The following RGS6 variants were observed in gnomAD, a reference collection of about 807,000 sequenced individuals.
RGS6 encodes regulator of G-protein signaling 6.
A neutral mutation model predicts 78.5 loss-of-function variants in RGS6; 30 were observed. The ratio of observed to expected loss-of-function variants is 0.38; its 90% CI spans 0.29 to 0.52. The LOEUF is 0.52. RGS6 is among the 20% of genes least tolerant of loss of function. The pLI, the probability that RGS6 is intolerant of heterozygous loss-of-function variation, is 0.85. For missense variants in RGS6, 495 were observed against 609.7 expected (o/e 0.81, Z 1.98); for synonymous variants, 206 against 206.0 (o/e 1.00, Z 0.00).
intron 2 of RGS6, among the ~76,000 whole-genome samples, chr14:72,235,204 A>G (rs960932058): frequency 2.6e-5 from 4 of 152,184 alleles, no homozygotes; most frequent in Non-Finnish European, 2.9e-5. Context: ...TTGAAGAAGG[A>G]TGAGGCAGGC....
chr14:72,286,853 G>T (rs999431075), intron 2 of RGS6, among the ~76,000 whole-genome samples: 1 of 146,458 alleles, frequency 6.8e-6, no homozygotes, highest in Non-Finnish European at 1.5e-5. Context: ...GCACAATCTC[G>T]GCTCACTGCA....
chr14:72,196,081 G>A (rs1214761867), intron 2 of RGS6, among the ~76,000 whole-genome samples: 1 of 152,150 alleles, frequency 6.6e-6, no homozygotes, highest in Non-Finnish European at 1.5e-5. Flanking sequence ...GCCATGAAAT[G>A]GGGGAGGGGG....
chr14:72,294,767 A>G (rs1362313484), intron 2 of RGS6, among the ~76,000 whole-genome samples: 1 of 152,112 alleles, frequency 6.6e-6, no homozygotes, highest in Non-Finnish European at 1.5e-5. Flanking sequence ...GAACTCTATC[A>G]TGAGAACAGC....
chr14:72,068,012 T>C (rs1054397025), intron 2 of RGS6, among the ~76,000 whole-genome samples: 2 of 152,194 alleles, frequency 1.3e-5, no homozygotes, highest in African/African-American at 2.4e-5. Flanking sequence ...TAGTATTATA[T>C]TGGCTTTAAT....
chr14:72,263,512 G>A (rs2058531892), intron 2 of RGS6, among the ~76,000 whole-genome samples: 1 of 13,304 alleles, frequency 7.5e-5, no homozygotes, highest in South Asian at 3.1e-3. Context: ...TGGTCTAAAT[G>A]TATGTGTCCC....
intron 2 of RGS6, among the ~76,000 whole-genome samples, chr14:72,173,330 C>T (rs946652995): frequency 2.9e-4 from 44 of 152,214 alleles, no homozygotes; most frequent in African/African-American, 1.0e-3. Context: ...TCTAGAACCA[C>T]ACTCCCCAGG....
chr14:72,018,105 C>T (rs991796704), intron 2 of RGS6, among the ~76,000 whole-genome samples: 1 of 152,164 alleles, frequency 6.6e-6, no homozygotes, highest in Non-Finnish European at 1.5e-5. Context: ...GACATGATCT[C>T]ATTCCTTTTT....
In RGS6 at chr14:71,970,160, TAAC is replaced by T. The variant is rs528751736; in HGVS notation, c.84+5288_84+5290del. ...TAGTATTAATTATATGCTATATACA[TAAC>T]AAGTGGTGTTTAAGTAGCAACACTG... On this transcript the variant is annotated intron_variant, in intron 2 of 17. Transcript: ENST00000553525. Among the ~76,000 whole-genome samples, 62 of 152,350 alleles carry T rather than the reference TAAC, an allele frequency of 4.1e-4. 1 individual carries two copies. The highest frequency in any genetic ancestry group is 1.4e-3 in the African/African-American group (60 of 41,586).
rs918362684 is a variant in RGS6, at chr14:71,943,542, T to A, written c.-21+10601T>A. On this transcript the variant is annotated intron_variant, in intron 1 of 17. Coordinates refer to ENST00000553525, the MANE Select transcript of RGS6 (RefSeq NM_001204424.2). ...AGAATCCTGCTCCATAGTTCTCACA[T>A]TGGGATTTGAGGAGGCTTGTAGAAA... 3.3e-5 allele frequency among the ~76,000 whole-genome samples: 5 copies of A among 152,158 alleles called. No homozygotes were observed. The South Asian group carries it at 1.0e-3, about 32-fold the overall frequency.
intron 2 of RGS6, among the ~76,000 whole-genome samples, chr14:72,252,406 A>C (rs2056028900): frequency 1.3e-5 from 2 of 152,328 alleles, no homozygotes; most frequent in South Asian, 4.1e-4. Flanking sequence ...AGGGAGACAT[A>C]CAGATTAACA....
At chr14:72,184,289 C>A (rs904490411) in intron 2 of RGS6, among the ~76,000 whole-genome samples, 2 of 151,550 alleles carry the variant, frequency 1.3e-5, no homozygotes, top group Non-Finnish European at 2.9e-5. Context: ...CTTACAAATA[C>A]CTTCTTTAAG....
intron 3 of RGS6, among the ~76,000 whole-genome samples, chr14:72,400,088 T>C (rs1178985929): frequency 1.3e-5 from 2 of 152,154 alleles, no homozygotes; most frequent in Non-Finnish European, 2.9e-5. Context: ...CATCATTGTC[T>C]GATTCACCGA....
At chr14:72,472,182 A>AAAG (rs1555421889) in intron 8 of RGS6, among the ~76,000 whole-genome samples, 25 of 150,052 alleles carry the variant, frequency 1.7e-4, no homozygotes, top group African/African-American at 6.0e-4. Flanking sequence ...GAAAAAAAAA[A>AAAG]AAAGAAAGAA....
chr14:71,890,358 CAGAGAGAGAGAGAGAG>C, the RGS6 span, among the ~76,000 whole-genome samples: 2 of 133,096 alleles, frequency 1.5e-5, no homozygotes, highest in South Asian at 2.6e-4. Context: ...GTGCATAAGA[CAGAGAGAGAGAGAGAG>C]AGAGAGAGAG....
At chr14:72,248,753 G>C (rs1337016829) in intron 2 of RGS6, among the ~76,000 whole-genome samples, 1 of 152,188 alleles carries the variant, frequency 6.6e-6, no homozygotes, top group Non-Finnish European at 1.5e-5. Context: ...ACATCTGTTA[G>C]AAATTTAAAC....
intron 2 of RGS6, among the ~76,000 whole-genome samples, chr14:71,969,339 G>C (rs569352929): frequency 6.6e-6 from 1 of 152,304 alleles, no homozygotes; most frequent in East Asian, 1.9e-4. Flanking sequence ...TTTTGAGTAA[G>C]AGTAGGTTGC....
chr14:72,038,645 T>G (rs991376905), intron 2 of RGS6, among the ~76,000 whole-genome samples: 2 of 152,200 alleles, frequency 1.3e-5, no homozygotes, highest in Non-Finnish European at 2.9e-5. Context: ...TTTCAATTTT[T>G]TGGAATTGTT....
the RGS6 span, among the ~76,000 whole-genome samples, chr14:71,922,821 A>G: frequency 0.52 from 79,387 of 151,858 alleles, 20,922 homozygotes; most frequent in Admixed American, 0.57. Flanking sequence ...TTGTTTGTTT[A>G]CCACAGAAGT....
At chr14:71,927,537 T>C (rs1301391034), upstream of RGS6, among the ~76,000 whole-genome samples, 3 of 152,234 alleles carry the variant, frequency 2.0e-5, no homozygotes, top group Non-Finnish European at 2.9e-5. Flanking sequence ...TGCTGGGCAT[T>C]CTATGAAGGA....
Sources: gnomAD v4.1 joint callset for allele counts (sites outside exome capture counted in the v4.1 genomes callset) on GRCh38, gnomAD v4.1.1 for gene constraint, MANE v1.5 for transcripts, NCBI Gene and HGNC (gene_info 2026-07-23, HGNC 2026-07-21) for gene names.